NELL2: variants seen among roughly 807,000 people sequenced by gnomAD.
The protein encoded by NELL2 is protein kinase C-binding protein NELL2.
A neutral mutation model predicts 109.6 loss-of-function variants in NELL2; 41 were observed. The observed-to-expected ratio is 0.37, with a 90% CI of 0.29 to 0.49. The LOEUF (loss-of-function observed/expected upper bound fraction) is 0.49, where lower values mean the gene tolerates loss of function less well. Ranked by LOEUF, NELL2 falls within the 20% of genes least tolerant of loss-of-function variation. The pLI, the probability that NELL2 is intolerant of heterozygous loss-of-function variation, is 0.98. For synonymous variants in NELL2, 355 were observed against 344.7 expected (o/e 1.03, Z -0.33); for missense variants, 900 against 1,008.3 (o/e 0.89, Z 1.45).
chr12:44,914,230 C>T (rs1945809052), upstream of NELL2: 1 of 152,778 alleles, frequency 6.5e-6, no homozygotes, highest in African/African-American at 2.4e-5. Context: ...AGCTGAAGTC[C>T]TTGCCAAGCC....
intron 11 of NELL2, among the ~76,000 whole-genome samples, chr12:44,709,738 C>T (rs756405946): frequency 3.9e-5 from 6 of 152,132 alleles, no homozygotes; most frequent in Admixed American, 2.0e-4. Context: ...TCAGAATCTG[C>T]ATTTTAATAA....
intron 15 of NELL2, among the ~76,000 whole-genome samples, chr12:44,561,641 T>G (rs574104637): frequency 6.6e-6 from 1 of 152,150 alleles, no homozygotes; most frequent in Non-Finnish European, 1.5e-5. Flanking sequence ...CAAGGAGAAC[T>G]ACAAACCACT....
At chr12:44,865,815 A>T (rs1944980947) in intron 2 of NELL2, among the ~76,000 whole-genome samples, 1 of 312 alleles carries the variant, frequency 3.2e-3, no homozygotes, top group Non-Finnish European at 0.1. Context: ...AAGTATAATA[A>T]AAAAAAAAAT....
chr12:44,553,616 G>A (rs1943127505), intron 15 of NELL2, among the ~76,000 whole-genome samples: 1 of 152,150 alleles, frequency 6.6e-6, no homozygotes, highest in South Asian at 2.1e-4. Flanking sequence ...AATAGTATAT[G>A]TTTGAAGGGA....
Position 44,779,839 on chromosome 12 carries a change from C to T in NELL2, c.509+10G>A. 1 of 1,613,686 alleles carries T rather than the reference C, an allele frequency of 6.2e-7. No individual in the cohort carries two copies. Among genetic ancestry groups the T allele is most frequent in the Non-Finnish European group, 8.5e-7 (1 of 1,179,618 alleles). ...TCTTCCATTTCCTAAAATGAGGACA[C>T]TACACTTACTTATTGCAGTCAATGT... On this transcript the variant is annotated intron_variant, in intron 4 of 19. Coordinates refer to ENST00000429094, the MANE Select transcript of NELL2 (RefSeq NM_001145108.2).
intron 13 of NELL2, among the ~76,000 whole-genome samples, chr12:44,639,903 C>T (rs80017942): frequency 1.3e-5 from 2 of 152,114 alleles, no homozygotes; most frequent in African/African-American, 4.8e-5. Flanking sequence ...CATTCTCATC[C>T]CATGCCACCT....
intron 9 of NELL2, among the ~76,000 whole-genome samples, chr12:44,765,732 AT>A (rs779538851): frequency 2.0e-5 from 3 of 152,248 alleles, no homozygotes; most frequent in East Asian, 3.9e-4. Context: ...TTCATGTGGT[AT>A]TTTTTTATAG....
chr12:44,692,522 A>G (rs1472879255), intron 12 of NELL2, among the ~76,000 whole-genome samples: 2 of 152,118 alleles, frequency 1.3e-5, no homozygotes, highest in Non-Finnish European at 2.9e-5. Context: ...CTTAAGAAAT[A>G]TATTTCTTAA....
intron 15 of NELL2, among the ~76,000 whole-genome samples, chr12:44,574,315 C>A (rs924679388): frequency 6.6e-6 from 1 of 151,712 alleles, no homozygotes; most frequent in Non-Finnish European, 1.5e-5. Flanking sequence ...AAAATCTGTA[C>A]AAATTATAAT....
chr12:44,786,939 C>T (rs183792328), intron 3 of NELL2, among the ~76,000 whole-genome samples: 1 of 151,982 alleles, frequency 6.6e-6, no homozygotes, highest in East Asian at 1.9e-4. Context: ...GGGCTTAAAA[C>T]CTAGATGATG....
chr12:44,779,525 TAA>T, intron 5 of NELL2, 136 bp downstream of exon 5: 1 of 682,682 alleles, frequency 1.5e-6, no homozygotes, highest in Non-Finnish European at 2.4e-6. Flanking sequence ...TATTACTGTT[TAA>T]AAAAATGAAA....
At chr12:44,565,825 T>C (rs931780410) in intron 15 of NELL2, among the ~76,000 whole-genome samples, 4 of 152,124 alleles carry the variant, frequency 2.6e-5, no homozygotes, top group Non-Finnish European at 4.4e-5. Context: ...AACAGTCTAG[T>C]GGGGAAGGAA....
intron 13 of NELL2, among the ~76,000 whole-genome samples, chr12:44,657,607 C>A (rs1947558988): frequency 6.6e-6 from 1 of 152,160 alleles, no homozygotes; most frequent in Non-Finnish European, 1.5e-5. Flanking sequence ...TTAGGTATTT[C>A]TCCTAATGCT....
At chr12:44,674,307 G>A (rs1235346806) in intron 12 of NELL2, among the ~76,000 whole-genome samples, 1 of 152,066 alleles carries the variant, frequency 6.6e-6, no homozygotes, top group Admixed American at 6.6e-5. Context: ...TTCCTACATT[G>A]TAAGTGCCAA....
chr12:44,558,288 T>C (rs577126542), intron 15 of NELL2, among the ~76,000 whole-genome samples: 3 of 152,278 alleles, frequency 2.0e-5, no homozygotes, highest in Admixed American at 6.5e-5. Context: ...AAATAGTCCA[T>C]AAAACAAATT....
At chr12:44,551,814 T>TA (rs911719675) in intron 15 of NELL2, among the ~76,000 whole-genome samples, 2 of 152,072 alleles carry the variant, frequency 1.3e-5, no homozygotes, top group African/African-American at 4.8e-5. Context: ...AGTGGCTTTT[T>TA]AAAAAAACCA....
At chr12:44,865,776 C>A in intron 2 of NELL2, among the ~76,000 whole-genome samples, 1 of 118,574 alleles carries the variant, frequency 8.4e-6, no homozygotes, top group Admixed American at 9.0e-5. Context: ...AACTAACCTG[C>A]ACAATGTGCA....
chr12:44,522,653 G>T (rs1224295977), intron 17 of NELL2: 1 of 152,604 alleles, frequency 6.6e-6, no homozygotes, highest in African/African-American at 2.4e-5. Context: ...ATGACAGTTG[G>T]GTTCTTGGTA....
intron 3 of NELL2, among the ~76,000 whole-genome samples, chr12:44,785,903 T>G (rs1942149339): frequency 6.6e-6 from 1 of 152,138 alleles, no homozygotes; most frequent in Non-Finnish European, 1.5e-5. Context: ...GACATAAATG[T>G]AAAACCCAAA....
Sources: allele counts gnomAD v4.1 joint callset (sites outside exome capture counted in the v4.1 genomes callset), GRCh38; gene constraint gnomAD v4.1.1; transcripts MANE v1.5; gene names NCBI Gene and HGNC (gene_info 2026-07-23, HGNC 2026-07-21).